The following DBT variants were observed in gnomAD, a reference collection of about 807,000 sequenced individuals.
The protein encoded by DBT is dihydrolipoamide branched chain transacylase E2, also known as lipoamide acyltransferase component of branched-chain alpha-keto acid dehydrogenase complex, mitochondrial.
A neutral mutation model predicts 51.3 loss-of-function variants in DBT; 40 were observed. That is an observed-to-expected ratio of 0.78 (90% confidence interval 0.61 to 1.02). The LOEUF (loss-of-function observed/expected upper bound fraction) is 1.02. Among genes scored for constraint, DBT ranks in the 50% least tolerant of loss-of-function variants. DBT has a pLI of 0.00. For synonymous variants in DBT, 181 were observed against 190.4 expected (o/e 0.95, Z 0.41); for missense variants, 510 against 580.2 (o/e 0.88, Z 1.24).
chr1:100,218,414 A>G (rs1222021353), intron 5 of DBT, among the ~76,000 whole-genome samples: 2 of 152,204 alleles, frequency 1.3e-5, no homozygotes, highest in Non-Finnish European at 1.5e-5. Flanking sequence ...AGAATAATAA[A>G]ATCATACTGC....
intron 6 of DBT, 54 bp from the exon 7 acceptor site, chr1:100,215,037 CTT>C (rs11431894): frequency 7.4e-4 from 710 of 961,926 alleles, no homozygotes; most frequent in Non-Finnish European, 8.8e-4. Context: ...TCTCTTCATC[CTT>C]TTTTTTTTTT....
intron 10 of DBT, among the ~76,000 whole-genome samples, chr1:100,204,433 A>T (rs1238498169): frequency 6.6e-6 from 1 of 152,182 alleles, no homozygotes; most frequent in Admixed American, 6.5e-5. Context: ...ATTACAAACC[A>T]CTGCTCAAGG....
Position 100,196,039 on chromosome 1 carries a change from A to G in DBT, c.*216T>C. The G allele has an allele frequency of 3.4e-6, 2 of 595,736 alleles. No homozygotes were observed. The highest frequency in any genetic ancestry group is 5.9e-6 in the Non-Finnish European group (2 of 336,778). 36.9% of individuals were successfully genotyped at this position (595,736 alleles called of 1,614,324 possible). A position where few individuals can be genotyped will look rare whatever the true frequency, so the allele number is the denominator to read the frequency against. ...CACCATATTAAGAAGTCACACTCTG[A>G]CCTATAAAATGTGACAGCCCCAGGA... On this transcript the variant is annotated 3_prime_UTR_variant, in exon 11 of 11. Transcript: ENST00000370132.
At chr1:100,206,695 G>T in intron 8 of DBT, 59 bp from the exon 9 acceptor site, 1 of 983,516 alleles carries the variant, frequency 1.0e-6, no homozygotes, top group Non-Finnish European at 1.6e-6. Context: ...AGCAAAGAAA[G>T]GATCAACCTT....
intron 8 of DBT, among the ~76,000 whole-genome samples, chr1:100,209,310 T>C (rs1661992660): frequency 6.6e-6 from 1 of 151,956 alleles, no homozygotes; most frequent in Admixed American, 6.6e-5. Context: ...TTGTTGCCCA[T>C]GCTGGTCTTG....
intron 10 of DBT, among the ~76,000 whole-genome samples, chr1:100,199,520 G>A (rs1027947056): frequency 3.9e-5 from 6 of 152,232 alleles, no homozygotes; most frequent in African/African-American, 9.6e-5. Context: ...AACCCAGATC[G>A]CCACCATTTA....
At chr1:100,225,216 A>C (rs972434357) in intron 4 of DBT, among the ~76,000 whole-genome samples, 1 of 150,592 alleles carries the variant, frequency 6.6e-6, no homozygotes, top group African/African-American at 2.4e-5. Flanking sequence ...CTCCTTTCCA[A>C]CCCTTCCTAC....
chr1:100,195,159 C>G lies in DBT; in HGVS notation c.*1096G>C, dbSNP rs1661019258. On this transcript the variant is annotated 3_prime_UTR_variant, in exon 11 of 11. Coordinates refer to ENST00000370132, the MANE Select transcript of DBT (RefSeq NM_001918.5). ...CTTATCCTATTTTTTAGCTGAAGAC[C>G]AAAAAAGTTAAAAGGAAGTAGACTT... 6.6e-6 allele frequency: 1 copy of G among 152,124 alleles called. No homozygotes were observed. Among genetic ancestry groups the G allele is most frequent in the South Asian group, 2.1e-4 (1 of 4,806 alleles). 9.4% of individuals were successfully genotyped at this position (152,124 alleles called of 1,614,324 possible). A position where few individuals can be genotyped will look rare whatever the true frequency, so the allele number is the denominator to read the frequency against.
intron 8 of DBT, among the ~76,000 whole-genome samples, chr1:100,207,608 G>A (rs764325251): frequency 1.3e-5 from 2 of 151,950 alleles, no homozygotes; most frequent in Non-Finnish European, 2.9e-5. Context: ...GATTGCTTGA[G>A]GCCAGGAGTT....
At chr1:100,204,557 C>T (rs1275646684) in intron 10 of DBT, among the ~76,000 whole-genome samples, 2 of 152,110 alleles carry the variant, frequency 1.3e-5, no homozygotes, top group African/African-American at 4.8e-5. Flanking sequence ...CAATGCTATT[C>T]CCATCAAGCT....
At position 100,249,131 on chromosome 1, in the gene DBT, A is replaced by G. The variant is rs757165793; in HGVS notation, c.51+639T>C. The G allele has an allele frequency of 1.1e-3, 1,041 of 982,964 alleles. 1 individual carries two copies. The highest frequency in any genetic ancestry group is 1.2e-3 in the Non-Finnish European group (994 of 826,470). 60.9% of individuals were successfully genotyped at this position (982,964 alleles called of 1,614,324 possible). A position where few individuals can be genotyped will look rare whatever the true frequency, so the allele number is the denominator to read the frequency against. The stretch of plus-strand genomic sequence containing the variant: ...CAGGAAGAAGAAACACTAAGCAAAT[A>G]GGGGTAACAAGTATCATTACCGGTA... On this transcript the variant is annotated intron_variant, in intron 1 of 10. Transcript: ENST00000370132.
chr1:100,206,286 C>CA lies in DBT; in HGVS notation c.1224dup (p.Ala409CysfsTer9). On this transcript the variant is annotated frameshift_variant, in exon 10 of 11. Coordinates refer to ENST00000370132, the MANE Select transcript of DBT (RefSeq NM_001918.5). LOFTEE classifies it high-confidence loss of function. ...TCAGGTGGCATTATCACTGGTTTGGCAAAGGTACCACCAATCTATTTTTTA... is the reference window on the plus strand; with the variant it reads ...TCAGGTGGCATTATCACTGGTTTGGCAAAAGGTACCACCAATCTATTTTTTA... 6.2e-7 allele frequency: 1 copy of CA among 1,608,604 alleles called. No individual in the cohort carries two copies. The highest frequency in any genetic ancestry group is 8.5e-7 in the Non-Finnish European group (1 of 1,177,922).
chr1:100,209,807 C>A (rs1662025972), intron 8 of DBT, among the ~76,000 whole-genome samples: 1 of 152,086 alleles, frequency 6.6e-6, no homozygotes, highest in African/African-American at 2.4e-5. Context: ...CATGATCCAC[C>A]CGCCTCAGCC....
At chr1:100,212,472 G>A (rs1013922086) in intron 7 of DBT, among the ~76,000 whole-genome samples, 51 of 151,924 alleles carry the variant, frequency 3.4e-4, no homozygotes, top group African/African-American at 1.2e-3. Flanking sequence ...AGGAGTTCAA[G>A]GTTGCAGTGA....
At chr1:100,214,220 TCAAAC>T (rs1029139802) in intron 7 of DBT, among the ~76,000 whole-genome samples, 3 of 152,222 alleles carry the variant, frequency 2.0e-5, no homozygotes, top group African/African-American at 7.2e-5. Flanking sequence ...TCATTTTAGT[TCAAAC>T]CAAGACTTGG....
intron 10 of DBT, among the ~76,000 whole-genome samples, chr1:100,201,013 T>C (rs2100770060): frequency 6.6e-6 from 1 of 152,090 alleles, no homozygotes; most frequent in South Asian, 2.1e-4. Flanking sequence ...CTCCAAAGGA[T>C]CACAACTCCT....
At chr1:100,201,749 T>G (rs149174738) in intron 10 of DBT, among the ~76,000 whole-genome samples, 1 of 152,272 alleles carries the variant, frequency 6.6e-6, no homozygotes, top group Non-Finnish European at 1.5e-5. Flanking sequence ...GGGGCCAATA[T>G]TGAACACTCT....
chr1:100,210,311 A>C (rs1454822828), intron 8 of DBT, among the ~76,000 whole-genome samples: 1 of 52,236 alleles, frequency 1.9e-5, no homozygotes, highest in Non-Finnish European at 6.1e-5. Context: ...CTCTGCCAAT[A>C]ATAATAATAA....
chr1:100,241,745 G>A (rs1047051863), intron 1 of DBT, among the ~76,000 whole-genome samples: 1 of 152,232 alleles, frequency 6.6e-6, no homozygotes, highest in East Asian at 1.9e-4. Flanking sequence ...TAGGCCAGGC[G>A]CGGTGGCTCA....
Sources: gnomAD v4.1 joint callset for allele counts (sites outside exome capture counted in the v4.1 genomes callset) on GRCh38, gnomAD v4.1.1 for gene constraint, MANE v1.5 for transcripts, NCBI Gene and HGNC (gene_info 2026-07-23, HGNC 2026-07-21) for gene names.